The following FAM240B variants were observed in gnomAD, a reference collection of about 807,000 sequenced individuals.
The protein encoded by FAM240B is protein FAM240B.
At chr9:38,714,479 C>T (rs1821288484) in intron 1 of FAM240B, among the ~76,000 whole-genome samples, 1 of 152,246 alleles carries the variant, frequency 6.6e-6, no homozygotes. Context: ...TTAAGTCCCC[C>T]TCCCCTTCAG....
intron 2 of FAM240B, among the ~76,000 whole-genome samples, chr9:38,701,178 T>C (rs1390962270): frequency 2.0e-5 from 3 of 152,266 alleles, no homozygotes; most frequent in African/African-American, 7.2e-5. Flanking sequence ...TATGTGTACA[T>C]TGGAAGGTGG....
intron 1 of FAM240B, among the ~76,000 whole-genome samples, chr9:38,714,476 C>A (rs965633998): frequency 1.3e-5 from 2 of 152,108 alleles, no homozygotes; most frequent in Non-Finnish European, 2.9e-5. Flanking sequence ...GAGTTAAGTC[C>A]CCCTCCCCTT....
chr9:38,707,987 T>C (rs1039760225), intron 1 of FAM240B, among the ~76,000 whole-genome samples: 6 of 152,006 alleles, frequency 3.9e-5, no homozygotes, highest in Non-Finnish European at 7.4e-5. Context: ...TCAGACGTCT[T>C]CAGGGATCCA....
chr9:38,706,302 A>G (rs1208982094), intron 1 of FAM240B, among the ~76,000 whole-genome samples: 1 of 152,128 alleles, frequency 6.6e-6, no homozygotes, highest in African/African-American at 2.4e-5. Flanking sequence ...GCTTGAGAGC[A>G]GTGTGGCTGT....
At chr9:38,717,707 A>C (rs1395091551) in intron 1 of FAM240B, among the ~76,000 whole-genome samples, 6 of 151,220 alleles carry the variant, frequency 4.0e-5, no homozygotes, top group Admixed American at 6.6e-5. Context: ...TGGTCTCAAT[A>C]TCCTGACCTC....
chr9:38,711,420 C>T (rs993939652), intron 1 of FAM240B, among the ~76,000 whole-genome samples: 1 of 152,118 alleles, frequency 6.6e-6, no homozygotes, highest in Non-Finnish European at 1.5e-5. Flanking sequence ...ATGGCTCCAC[C>T]TGACTGTGGC....
intron 1 of FAM240B, among the ~76,000 whole-genome samples, chr9:38,717,830 CTG>C (rs1821326526): frequency 6.6e-6 from 1 of 152,114 alleles, no homozygotes. Context: ...CTTTAAGACT[CTG>C]TTTTTAAAAA....
In FAM240B at chr9:38,694,613, C is replaced by T. The variant is rs976843043; in HGVS notation, c.*163G>A. 5.1e-6 allele frequency: 2 copies of T among 394,098 alleles called. No individual in the cohort carries two copies. Among genetic ancestry groups the T allele is most frequent in the East Asian group, 3.6e-5 (1 of 27,846 alleles). 24.4% of individuals were successfully genotyped at this position (394,098 alleles called of 1,614,324 possible). ...CGGAGGGGATTGAGCAGGATAATAACTCCCATTAGCACTGGGGGAGGTTTC... is the reference window on the plus strand; with the variant it reads ...CGGAGGGGATTGAGCAGGATAATAATTCCCATTAGCACTGGGGGAGGTTTC... On this transcript the variant is annotated 3_prime_UTR_variant, in exon 3 of 3. Transcript: ENST00000637493.
chr9:38,694,793 C>T lies in FAM240B; in HGVS notation c.220G>A (p.Ala74Thr). The T allele has an allele frequency of 2.5e-6, 1 of 398,588 alleles. No individual in the cohort carries two copies. The highest frequency in any genetic ancestry group is 3.6e-5 in the East Asian group (1 of 28,062). 24.7% of individuals were successfully genotyped at this position (398,588 alleles called of 1,614,324 possible). Residue 74 changes from alanine (A) to threonine (T), a missense_variant, in exon 3 of 3, where the codon GCA becomes ACA. Coordinates refer to ENST00000637493, the MANE Select transcript of FAM240B (RefSeq NM_001394922.1). ...LDNPVEKEKP[A>T]HTAD The stretch of plus-strand genomic sequence containing the variant: ...GGCAGAGCTCAGTCCGCGGTGTGTG[C>T]CGGCTTTTCCTTCTCAACAGGGTTG...
chr9:38,701,485 T>C (rs1361124403), intron 2 of FAM240B, among the ~76,000 whole-genome samples: 1 of 152,238 alleles, frequency 6.6e-6, no homozygotes, highest in African/African-American at 2.4e-5. Context: ...AAGGTTTTAA[T>C]TCATTGTTTG....
Position 38,699,498 on chromosome 9 carries a change from G to A in FAM240B, c.143+4359C>T, listed in dbSNP as rs555560587. On this transcript the variant is annotated intron_variant, in intron 2 of 2. Transcript: ENST00000637493. ...AGAGGGGGGAAGTAACGATTGAGTA[G>A]GAAGAACCCAACCCACAGCACAGTT... 2.0e-5 allele frequency among the ~76,000 whole-genome samples: 3 copies of A among 152,306 alleles called. No individual in the cohort carries two copies. The South Asian group carries it at 6.2e-4, about 32-fold the overall frequency.
chr9:38,694,656 C>T lies in FAM240B; in HGVS notation c.*120G>A. On this transcript the variant is annotated 3_prime_UTR_variant, in exon 3 of 3. Coordinates refer to ENST00000637493, the MANE Select transcript of FAM240B (RefSeq NM_001394922.1). ...GAGGTTTCACATGTAAATCCCCTAG[C>T]AAATGGAAGCACAAATAGAGAGCGT... The T allele has an allele frequency of 2.5e-6, 1 of 396,294 alleles. No homozygotes were observed. Among genetic ancestry groups the T allele is most frequent in the Non-Finnish European group, 4.4e-6 (1 of 224,944 alleles). 24.5% of individuals were successfully genotyped at this position (396,294 alleles called of 1,614,324 possible).
intron 1 of FAM240B, among the ~76,000 whole-genome samples, chr9:38,711,621 C>T (rs1037865927): frequency 7.5e-5 from 11 of 146,744 alleles, no homozygotes; most frequent in Non-Finnish European, 1.6e-4. Context: ...TTCTCTCTCC[C>T]TCTTTCTCTC....
intron 1 of FAM240B, among the ~76,000 whole-genome samples, chr9:38,714,289 A>T (rs1356708591): frequency 6.6e-6 from 1 of 152,252 alleles, no homozygotes; most frequent in African/African-American, 2.4e-5. Context: ...ACACCACAGT[A>T]ATAATTATTG....
intron 1 of FAM240B, among the ~76,000 whole-genome samples, chr9:38,705,751 A>G (rs1044853746): frequency 6.6e-6 from 1 of 152,246 alleles, no homozygotes; most frequent in African/African-American, 2.4e-5. Context: ...CCTGAAGGGA[A>G]CAGCATGTGT....
Position 38,694,531 on chromosome 9 carries a change from T to C in FAM240B, c.*245A>G, listed in dbSNP as rs1821043731. ...CCTGGAGAGTGCTAATTCCAAGAGC[T>C]CTTTTATTAAATAGCCCAAGCGTCC... On this transcript the variant is annotated 3_prime_UTR_variant, in exon 3 of 3. Coordinates refer to ENST00000637493, the MANE Select transcript of FAM240B (RefSeq NM_001394922.1). The C allele has an allele frequency of 2.8e-6, 1 of 358,954 alleles. No homozygotes were observed. The highest frequency in any genetic ancestry group is 5.0e-6 in the Non-Finnish European group (1 of 201,742). The allele number at this position is 358,954 out of a possible 1,614,324, so 22.2% of individuals were successfully genotyped here.
chr9:38,708,925 G>C (rs1305713198), intron 1 of FAM240B, among the ~76,000 whole-genome samples: 1 of 152,160 alleles, frequency 6.6e-6, no homozygotes, highest in Non-Finnish European at 1.5e-5. Flanking sequence ...GGGGATAAGA[G>C]GCTTCCCGTC....
At chr9:38,716,882 G>A (rs1821309220) in intron 1 of FAM240B, among the ~76,000 whole-genome samples, 1 of 152,198 alleles carries the variant, frequency 6.6e-6, no homozygotes, top group South Asian at 2.1e-4. Flanking sequence ...CTGGAACGAA[G>A]GCTCATGAGT....
chr9:38,712,543 A>G (rs1482060402), intron 1 of FAM240B, among the ~76,000 whole-genome samples: 1 of 152,174 alleles, frequency 6.6e-6, no homozygotes, highest in Non-Finnish European at 1.5e-5. Flanking sequence ...TGAGCGAGAA[A>G]GTGAATCTGA....
Sources: allele counts gnomAD v4.1 joint callset (sites outside exome capture counted in the v4.1 genomes callset), GRCh38; gene constraint gnomAD v4.1.1; transcripts MANE v1.5; gene names NCBI Gene and HGNC (gene_info 2026-07-23, HGNC 2026-07-21).